IDE: variants seen among roughly 807,000 people sequenced by gnomAD.
IDE encodes the protein insulin-degrading enzyme.
IDE carries 58 observed loss-of-function variants against 133.2 expected under a neutral mutation model. The observed-to-expected ratio is 0.44, with a 90% CI of 0.35 to 0.54. IDE has a LOEUF of 0.54. IDE is among the 20% of genes least tolerant of loss of function. The probability of loss-of-function intolerance (pLI) is 0.00; values close to 1 mark genes in which losing one functional copy is unlikely to be tolerated. For synonymous variants in IDE, 396 were observed against 421.3 expected (o/e 0.94, Z 0.73); for missense variants, 981 against 1,234.0 (o/e 0.79, Z 3.07).
In IDE at chr10:92,452,992, C is replaced by G. The variant is rs1042938066; in HGVS notation, c.*1452G>C. On this transcript the variant is annotated 3_prime_UTR_variant, in exon 25 of 25. Transcript: ENST00000265986. ...CATAGTTGTGACTATATCGTTCTTGCCCAAAATTGAGATTTGGAAAATGGC... is the reference window on the plus strand; with the variant it reads ...CATAGTTGTGACTATATCGTTCTTGGCCAAAATTGAGATTTGGAAAATGGC... The G allele has an allele frequency of 3.9e-5, 6 of 152,120 alleles. No individual in the cohort carries two copies. Among genetic ancestry groups the G allele is most frequent in the Non-Finnish European group, 5.9e-5 (4 of 68,018 alleles). 9.4% of individuals were successfully genotyped at this position (152,120 alleles called of 1,614,324 possible).
intron 4 of IDE, 73 bp from the exon 5 acceptor site, chr10:92,515,115 G>C: frequency 8.5e-7 from 1 of 1,178,622 alleles, no homozygotes; most frequent in Non-Finnish European, 1.2e-6. Flanking sequence ...AATTATCACT[G>C]ATATTGCTTA....
At chr10:92,510,690 C>T (rs897538002) in intron 5 of IDE, among the ~76,000 whole-genome samples, 4 of 151,244 alleles carry the variant, frequency 2.6e-5, no homozygotes, top group African/African-American at 9.7e-5. Context: ...ATATATATCA[C>T]ATACATCTCA....
intron 1 of IDE, among the ~76,000 whole-genome samples, chr10:92,539,727 G>A (rs1842203171): frequency 6.6e-6 from 1 of 151,898 alleles, no homozygotes; most frequent in South Asian, 2.1e-4. Flanking sequence ...TCAAGCCACT[G>A]CACTCCAGCC....
chr10:92,455,688 A>G (rs1589348271), intron 23 of IDE, 45 bp from the exon 24 acceptor site: 1 of 1,085,676 alleles, frequency 9.2e-7, no homozygotes, highest in Non-Finnish European at 1.4e-6. Flanking sequence ...TATTGATACT[A>G]TCACAAAAGA....
In IDE at chr10:92,510,168, A is replaced by T. The variant is rs1183409662; in HGVS notation, c.785-6T>A. The T allele has an allele frequency of 1.4e-6, 2 of 1,396,474 alleles. No homozygotes were observed. The highest frequency in any genetic ancestry group is 2.0e-6 in the Non-Finnish European group (2 of 989,890). The allele number at this position is 1,396,474 out of a possible 1,614,324, so 86.5% of individuals were successfully genotyped here. ...AGTCAAGTCATCTAAAGATTCTACA[A>T]GAAAACAGACAAGGAAAACAGAACT... is the stretch of plus-strand genomic sequence containing the variant. On this transcript the variant is annotated splice_polypyrimidine_tract_variant and splice_region_variant and intron_variant, in intron 5 of 24. Coordinates refer to ENST00000265986, the MANE Select transcript of IDE (RefSeq NM_004969.4).
At chr10:92,571,355 G>A (rs1843778553) in intron 1 of IDE, among the ~76,000 whole-genome samples, 1 of 152,180 alleles carries the variant, frequency 6.6e-6, no homozygotes, top group African/African-American at 2.4e-5. Flanking sequence ...TGTGGATTAG[G>A]TTAAAGAAAC....
chr10:92,525,376 T>C (rs1849568861), intron 4 of IDE, among the ~76,000 whole-genome samples: 1 of 152,252 alleles, frequency 6.6e-6, no homozygotes, highest in Middle Eastern at 3.4e-3. Context: ...ACACACTGGG[T>C]AGAGAAGGAA....
At chr10:92,530,304 G>GTT (rs981843146) in intron 4 of IDE, among the ~76,000 whole-genome samples, 14 of 147,972 alleles carry the variant, frequency 9.5e-5, no homozygotes, top group African/African-American at 2.7e-4. Context: ...AAAAGTTGTT[G>GTT]TTTTTTTTTT....
At chr10:92,516,988 T>C (rs1337816143) in intron 4 of IDE, among the ~76,000 whole-genome samples, 1 of 152,240 alleles carries the variant, frequency 6.6e-6, no homozygotes, top group African/African-American at 2.4e-5. Context: ...ACTGGAAATA[T>C]CCTAAGATCC....
intron 17 of IDE, among the ~76,000 whole-genome samples, chr10:92,470,813 T>C (rs1481107171): frequency 1.3e-5 from 2 of 152,336 alleles, no homozygotes; most frequent in Admixed American, 6.5e-5. Flanking sequence ...ACAAAGGTAA[T>C]GCGCCTTTCT....
intron 1 of IDE, among the ~76,000 whole-genome samples, chr10:92,563,444 T>A (rs1450405728): frequency 6.7e-6 from 1 of 149,266 alleles, no homozygotes; most frequent in Non-Finnish European, 1.5e-5. Flanking sequence ...AGAGTGAGAC[T>A]CTGTCTCAAA....
chr10:92,573,036 G>A (rs1277497289), intron 1 of IDE: 5 of 985,288 alleles, frequency 5.1e-6, no homozygotes, highest in South Asian at 4.7e-5. Context: ...AGTAGGTGCT[G>A]GCTATTACTG....
intron 10 of IDE, among the ~76,000 whole-genome samples, chr10:92,505,912 C>T (rs924091405): frequency 6.6e-6 from 1 of 152,014 alleles, no homozygotes; most frequent in Non-Finnish European, 1.5e-5. Flanking sequence ...ACCTTGTAGG[C>T]CAAGGAAAAT....
chr10:92,456,285 G>C, intron 23 of IDE, 74 bp downstream of exon 23: 1 of 966,656 alleles, frequency 1.0e-6, no homozygotes, highest in Non-Finnish European at 1.7e-6. Context: ...TGTTCTATAA[G>C]GCATGTAGCT....
chr10:92,469,695 C>T lies in IDE; in HGVS notation c.2208+559G>A, dbSNP rs147211234. Among the ~76,000 whole-genome samples the T allele has an allele frequency of 1.1e-4, 16 of 152,270 alleles. No individual in the cohort carries two copies. In the East Asian group the frequency reaches 2.7e-3, roughly 26 times the overall value. ...GCCTCCAAAGTACTGAGATGATAGG[C>T]GTGAGCCACTGCACCCGGCCGAGAC... On this transcript the variant is annotated intron_variant, in intron 18 of 24. Coordinates refer to ENST00000265986, the MANE Select transcript of IDE (RefSeq NM_004969.4).
intron 12 of IDE, among the ~76,000 whole-genome samples, chr10:92,487,835 C>T (rs758970073): frequency 5.3e-5 from 8 of 152,312 alleles, no homozygotes; most frequent in Admixed American, 2.6e-4. Context: ...CTTGCTCTGC[C>T]GCCCAGGCTG....
At chr10:92,567,384 A>T (rs1458913157) in intron 1 of IDE, among the ~76,000 whole-genome samples, 1 of 152,156 alleles carries the variant, frequency 6.6e-6, no homozygotes, top group Non-Finnish European at 1.5e-5. Flanking sequence ...TCCCTACATC[A>T]ATCAATAACT....
intron 18 of IDE, among the ~76,000 whole-genome samples, chr10:92,469,460 G>A (rs1050853603): frequency 1.3e-5 from 2 of 151,500 alleles, no homozygotes; most frequent in Admixed American, 6.6e-5. Flanking sequence ...ACAGGGTTTC[G>A]TTCTGTTACC....
rs1843432155 is a variant in IDE at position 92,564,622 on chromosome 10, C to T, written c.98+9300G>A. Among the ~76,000 whole-genome samples the T allele has an allele frequency of 5.7e-5, 7 of 123,522 alleles. 1 individual carries two copies. The South Asian group carries it at 1.8e-3, about 32-fold the overall frequency. The allele number at this position is 123,522 out of a possible 152,430, so 81.0% of individuals were successfully genotyped here. ...ACGAGAGACAGGGGTTGCAGTAAGCCGAGACTGCGCCACTGCATTCCAGCC... is the reference window on the plus strand; with the variant it reads ...ACGAGAGACAGGGGTTGCAGTAAGCTGAGACTGCGCCACTGCATTCCAGCC... On this transcript the variant is annotated intron_variant, in intron 1 of 24. Transcript: ENST00000265986.
Sources: allele counts gnomAD v4.1 joint callset (sites outside exome capture counted in the v4.1 genomes callset), GRCh38; gene constraint gnomAD v4.1.1; transcripts MANE v1.5; gene names NCBI Gene and HGNC (gene_info 2026-07-23, HGNC 2026-07-21).